Variants in SLC1A6 observed in about 807,000 individuals in gnomAD.
SLC1A6 encodes the protein solute carrier family 1 member 6.
In SLC1A6, 15 loss-of-function variants were observed where a neutral mutation model predicts 42.1. That is an observed-to-expected ratio of 0.36 (90% CI 0.24 to 0.55). SLC1A6 has a LOEUF of 0.55. SLC1A6 is among the 20% of genes least tolerant of loss of function. The pLI is 0.88. For synonymous variants in SLC1A6, 317 were observed against 319.7 expected (o/e 0.99, Z 0.09); for missense variants, 542 against 772.5 (o/e 0.70, Z 3.54).
In SLC1A6 at chr19:15,005,259, CAAAA is replaced by C. The variant is rs59367163; in HGVS notation, c.6+5222_6+5225del. On this transcript the variant is annotated intron_variant, in intron 1 of 8. Transcript: ENST00000430939. ...TGGGTGACAAAGCAAGACCCTGTCT[CAAAA>C]AAAAAAAAAAAAAAGCAGGGCACGG... Among the ~76,000 whole-genome samples the C allele has an allele frequency of 1.9e-3, 169 of 91,056 alleles. 2 individuals are homozygous for C. The highest frequency in any genetic ancestry group is 6.0e-3 in the Middle Eastern group (1 of 168). 59.7% of individuals were successfully genotyped at this position (91,056 alleles called of 152,430 possible).
chr19:15,002,456 A>G (rs1307652755), intron 1 of SLC1A6, among the ~76,000 whole-genome samples: 1 of 152,162 alleles, frequency 6.6e-6, no homozygotes, highest in African/African-American at 2.4e-5. Context: ...CAGAGTGAGC[A>G]AGTGAAAGAG....
At chr19:14,986,595 C>CTT (rs34762676) in intron 1 of SLC1A6, among the ~76,000 whole-genome samples, 31 of 146,020 alleles carry the variant, frequency 2.1e-4, no homozygotes, top group African/African-American at 5.5e-4. Context: ...ATGAAACTGG[C>CTT]TTTTTTTTTT....
rs185908101 is a variant in SLC1A6 at position 14,975,928 on chromosome 19, G to T, written c.-7-3011C>A. 2.0e-5 allele frequency among the ~76,000 whole-genome samples: 3 copies of T among 151,184 alleles called. 1 individual carries two copies. The highest frequency in any genetic ancestry group is 4.4e-5 in the Non-Finnish European group (3 of 67,686). Reference sequence around the variant, plus strand: ...AGGGGGAAGGGAAGGAAAGGGAAGGGGACTTTTCTGTGGGTCCCTAAAAGC... The same window carrying T: ...AGGGGGAAGGGAAGGAAAGGGAAGGTGACTTTTCTGTGGGTCCCTAAAAGC... On this transcript the variant is annotated intron_variant, in intron 1 of 9. Transcript: ENST00000594383.
chr19:14,999,340 AT>A lies in SLC1A6; in HGVS notation c.6+11144del, dbSNP rs2045862446. Reference sequence around the variant, plus strand: ...CTTTCAACCAATTGCCAATTGGAAAATCTTTGAATCCACCTATGACCTGGAA... The same window carrying A: ...CTTTCAACCAATTGCCAATTGGAAAACTTTGAATCCACCTATGACCTGGAA... On this transcript the variant is annotated intron_variant, in intron 1 of 8. Coordinates refer to the SLC1A6 transcript ENST00000430939. Among the ~76,000 whole-genome samples, 4 of 152,264 alleles carry A rather than the reference AT, an allele frequency of 2.6e-5. No individual in the cohort carries two copies. In the South Asian group the frequency reaches 8.3e-4, roughly 32 times the overall value.
chr19:14,978,996 A>G (rs1403286381), intron 1 of SLC1A6, among the ~76,000 whole-genome samples: 2 of 150,612 alleles, frequency 1.3e-5, no homozygotes, highest in Non-Finnish European at 3.0e-5. Flanking sequence ...TCAGCTCCAC[A>G]CACCTGTTCA....
intron 6 of SLC1A6, among the ~76,000 whole-genome samples, chr19:14,960,201 A>AGTGAACAAATAC (rs1220506135): frequency 6.6e-6 from 1 of 152,254 alleles, no homozygotes; most frequent in African/African-American, 2.4e-5. Context: ...TTAGTAGCTG[A>AGTGAACAAATAC]GTGAACAAAT....
chr19:14,991,712 G>A (rs2045821040), intron 1 of SLC1A6, among the ~76,000 whole-genome samples: 1 of 150,560 alleles, frequency 6.6e-6, no homozygotes, highest in Non-Finnish European at 1.5e-5. Context: ...CGGTATTAAA[G>A]AGAAACAATA....
At chr19:15,007,950 A>G (rs552286458) in intron 1 of SLC1A6, among the ~76,000 whole-genome samples, 2 of 151,966 alleles carry the variant, frequency 1.3e-5, no homozygotes, top group Admixed American at 1.3e-4. Context: ...GCTTGAACCC[A>G]GGAAGCAGAG....
At chr19:14,967,489 C>G (rs368065642) in intron 4 of SLC1A6, among the ~76,000 whole-genome samples, 84 of 152,248 alleles carry the variant, frequency 5.5e-4, no homozygotes, top group African/African-American at 2.0e-3. Flanking sequence ...TCCTTACACT[C>G]TCTCCCTTTT....
In SLC1A6 at chr19:14,962,365, C is replaced by A. The variant is rs374536552; in HGVS notation, c.592-20G>T. The A allele has an allele frequency of 1.3e-6, 2 of 1,580,544 alleles. No homozygotes were observed. Among genetic ancestry groups the A allele is most frequent in the Non-Finnish European group, 1.7e-6 (2 of 1,153,922 alleles). Reference sequence around the variant, plus strand: ...CTTGAACTGAAATAGAGAGAGATTGCGCCCAGATTCAATTCAGCGGATGCA... The same window carrying A: ...CTTGAACTGAAATAGAGAGAGATTGAGCCCAGATTCAATTCAGCGGATGCA... On this transcript the variant is annotated intron_variant, in intron 5 of 9. Coordinates refer to ENST00000594383, the MANE Select transcript of SLC1A6 (RefSeq NM_005071.3).
upstream of SLC1A6, among the ~76,000 whole-genome samples, chr19:14,983,437 G>A (rs77744723): frequency 8.6e-3 from 1,309 of 152,060 alleles, 22 homozygotes; most frequent in African/African-American, 0.029. Context: ...AATCCCAGCC[G>A]CGCTTTGGGA....
intron 1 of SLC1A6, among the ~76,000 whole-genome samples, chr19:15,004,356 T>C (rs2045886315): frequency 6.6e-6 from 1 of 151,580 alleles, no homozygotes; most frequent in Non-Finnish European, 1.5e-5. Context: ...AATGTGGAAA[T>C]GGTTAGAGTG....
At chr19:14,994,280 T>C (rs2045834583) in intron 1 of SLC1A6, among the ~76,000 whole-genome samples, 1 of 152,006 alleles carries the variant, frequency 6.6e-6, no homozygotes. Flanking sequence ...AGAGTATTTA[T>C]TTCCTGGGGT....
chr19:14,992,670 A>AT (rs1445900473), intron 1 of SLC1A6, among the ~76,000 whole-genome samples: 1 of 151,970 alleles, frequency 6.6e-6, no homozygotes, highest in Non-Finnish European at 1.5e-5. Context: ...AAAAAAAAAA[A>AT]ATGAGCAGGG....
chr19:15,006,735 G>T (rs1438563736), intron 1 of SLC1A6, among the ~76,000 whole-genome samples: 1 of 127,544 alleles, frequency 7.8e-6, no homozygotes, highest in Non-Finnish European at 1.6e-5. Context: ...ACCAGCCAGG[G>T]AAAGATAGCA....
intron 6 of SLC1A6, among the ~76,000 whole-genome samples, chr19:14,959,712 A>C (rs2045492548): frequency 6.6e-6 from 1 of 152,060 alleles, no homozygotes; most frequent in South Asian, 2.1e-4. Flanking sequence ...TCTCCAAACA[A>C]CTTAGGTACC....
At chr19:15,004,156 T>A (rs1207014483) in intron 1 of SLC1A6, among the ~76,000 whole-genome samples, 1 of 151,898 alleles carries the variant, frequency 6.6e-6, no homozygotes, top group Non-Finnish European at 1.5e-5. Context: ...ACTCTGTCTC[T>A]AAAAAAATTA....
At chr19:14,988,175 A>T (rs562849778) in intron 1 of SLC1A6, among the ~76,000 whole-genome samples, 2 of 152,222 alleles carry the variant, frequency 1.3e-5, no homozygotes, top group South Asian at 2.1e-4. Flanking sequence ...AAGGGAAAGG[A>T]ATGTGTTTAT....
At chr19:14,990,727 C>T (rs970019944) in intron 1 of SLC1A6, among the ~76,000 whole-genome samples, 1 of 151,694 alleles carries the variant, frequency 6.6e-6, no homozygotes, top group Non-Finnish European at 1.5e-5. Flanking sequence ...CAAGATCATA[C>T]CACTGCACTC....
Sources: gnomAD v4.1 joint callset for allele counts (sites outside exome capture counted in the v4.1 genomes callset) on GRCh38, gnomAD v4.1.1 for gene constraint, MANE v1.5 for transcripts, NCBI Gene and HGNC (gene_info 2026-07-23, HGNC 2026-07-21) for gene names.